The following MUC5AC variants were observed in gnomAD, a reference collection of about 807,000 sequenced individuals.
MUC5AC encodes mucin-5AC.
MUC5AC carries 158 observed loss-of-function variants against 169.7 expected under a neutral mutation model. That is an observed-to-expected ratio of 0.93 (90% CI 0.82 to 1.06). The LOEUF is 1.06. Ranked by LOEUF, MUC5AC falls within the 50% of genes least tolerant of loss-of-function variation. The probability of loss-of-function intolerance (pLI) is 0.00; values close to 1 mark genes in which losing one functional copy is unlikely to be tolerated. For missense variants in MUC5AC, 4,359 were observed against 3,089.9 expected (o/e 1.41, Z -9.74); for synonymous variants, 1,975 against 1,237.0 (o/e 1.60, Z -12.52).
chr11:1,170,442 C>T (rs1860473451), intron 15 of MUC5AC, among the ~76,000 whole-genome samples: 10 of 140,548 alleles, frequency 7.1e-5, no homozygotes, highest in South Asian at 2.4e-4. Context: ...CCCATTCACC[C>T]ACTCACTCAC....
intron 15 of MUC5AC, among the ~76,000 whole-genome samples, chr11:1,171,942 T>TTCACTCACTCACTCACTCAC (rs1161859817): frequency 2.3e-5 from 2 of 85,686 alleles, no homozygotes; most frequent in Non-Finnish European, 5.0e-5. Flanking sequence ...CATCCACTCA[T>TTCACTCACTCACTCACTCAC]TCACTCACTC....
chr11:1,200,405 C>G, intron 48 of MUC5AC, 33 bp from the exon 49 acceptor site: 1 of 652,120 alleles, frequency 1.5e-6, no homozygotes, highest in South Asian at 1.6e-5. Context: ...TGGGGTGGCG[C>G]AGCAGCTGGT....
At chr11:1,158,810 C>T (rs772058529) in intron 1 of MUC5AC, among the ~76,000 whole-genome samples, 1 of 152,214 alleles carries the variant, frequency 6.6e-6, no homozygotes, top group Non-Finnish European at 1.5e-5. Flanking sequence ...ACTGCCGAGA[C>T]CGCCACATGG....
chr11:1,195,482 G>T, intron 36 of MUC5AC, among the ~76,000 whole-genome samples: 1 of 152,008 alleles, frequency 6.6e-6, no homozygotes, highest in Admixed American at 6.5e-5. Flanking sequence ...CGGGTGCCGG[G>T]AAGGGGTGGT....
Position 1,168,512 on chromosome 11 carries a change from G to A in MUC5AC, c.1527G>A (p.Val509=), listed in dbSNP as rs1224736952. ...TGGTGATCAAGGCCAGTGGGGAAGT[G>A]TTCCTGAACCAGATCTACACCCAGC... The part of the protein sequence containing the change: ...TVVVIKASGE[V]FLNQIYTQLP... Residue 509 remains valine, a synonymous_variant, in exon 13 of 49, where the codon GTG becomes GTA. Transcript: ENST00000621226. 1 of 1,597,716 alleles carries A rather than the reference G, an allele frequency of 6.3e-7. No individual in the cohort carries two copies. Among genetic ancestry groups the A allele is most frequent in the Non-Finnish European group, 8.5e-7 (1 of 1,171,396 alleles).
chr11:1,165,822 G>T lies in MUC5AC; in HGVS notation c.1386+62G>T, dbSNP rs1044302888. The T allele has an allele frequency of 2.1e-5, 33 of 1,599,898 alleles. No individual in the cohort carries two copies. In the African/African-American group the frequency reaches 4.1e-4, roughly 20 times the overall value. ...GGGGGCCCATGGCCAGCCTCCCACA[G>T]GCTCCCCCAGCTTGGCTGCATGTCA... On this transcript the variant is annotated intron_variant, in intron 11 of 48. Coordinates refer to ENST00000621226, the MANE Select transcript of MUC5AC (RefSeq NM_001304359.2).
rs1298604003 is a variant in MUC5AC at position 1,189,521 on chromosome 11, C to G, written c.11376C>G (p.Ile3792Met). Residue 3792 changes from isoleucine (I) to methionine (M), a missense_variant, in exon 31 of 49, where the codon ATC (isoleucine) becomes ATG (methionine). Physicochemically the swap from Ile to Met is conservative, Grantham distance 10 (BLOSUM62 1). Transcript: ENST00000621226. ...STTSAPITSTISAPTTSTTST... is the reference protein window; with the variant it reads ...STTSAPITSTMSAPTTSTTST... ...CCTCTGCTCCCATAACCAGCACAAT[C>G]TCTGCCCCTACAACCAGCACAACCT... is the stretch of plus-strand genomic sequence containing the variant. 1.7e-6 allele frequency: 1 copy of G among 598,694 alleles called. No homozygotes were observed. The highest frequency in any genetic ancestry group is 1.9e-5 in the African/African-American group (1 of 53,770). 37.1% of individuals were successfully genotyped at this position (598,694 alleles called of 1,614,324 possible).
chr11:1,162,397 G>C, intron 4 of MUC5AC, 135 bp from the exon 5 acceptor site: 1 of 1,036,876 alleles, frequency 9.6e-7, no homozygotes, highest in South Asian at 1.6e-5. Flanking sequence ...CCGAGCTCCA[G>C]AGGTCAATGT....
At chr11:1,173,248 A>G (rs1168605679) in intron 16 of MUC5AC, among the ~76,000 whole-genome samples, 4 of 144,182 alleles carry the variant, frequency 2.8e-5, no homozygotes, top group African/African-American at 5.2e-5. Context: ...TTACTCATTT[A>G]CTCACTCACT....
chr11:1,168,995 C>G lies in MUC5AC; in HGVS notation c.1839C>G (p.Phe613Leu). 4 of 1,606,648 alleles carry G rather than the reference C, an allele frequency of 2.5e-6. No individual in the cohort carries two copies. In the South Asian group the frequency reaches 4.4e-5, roughly 18 times the overall value. The change falls in exon 15 of 49, where the codon TTC becomes TTG. Residue 613 changes from phenylalanine to leucine, a missense_variant. By Grantham distance (22) the Phe-to-Leu change is conservative. Transcript: ENST00000621226. ...CCTGCCCCAACATCAGGAACAGCTT[C>G]GAGGACCCCTGCTCTCTGAGCGTGG... ...QAACPNIRNS[F>L]EDPCSLSVEN...
In MUC5AC at chr11:1,190,245, C is replaced by G; in HGVS notation, c.12100C>G (p.Gln4034Glu). ...EEGLVCRNQD[Q>E]QGPFKMCLNY... is the part of the protein sequence containing the mutation. ...GGGCCTGGTGTGCCGGAACCAGGAC[C>G]AGCAGGGACCCTTCAAGATGTGCCT... is the stretch of plus-strand genomic sequence containing the variant. The change falls in exon 31 of 49, where the codon CAG (glutamine) becomes GAG (glutamate). Residue 4034 changes from glutamine (Q) to glutamate (E), a missense_variant. Gln to Glu is a conservative substitution (Grantham distance 29). Coordinates refer to ENST00000621226, the MANE Select transcript of MUC5AC (RefSeq NM_001304359.2). 2.7e-6 allele frequency: 2 copies of G among 734,232 alleles called. No homozygotes were observed. Among genetic ancestry groups the G allele is most frequent in the East Asian group, 4.9e-5 (2 of 40,910 alleles). 45.5% of individuals were successfully genotyped at this position (734,232 alleles called of 1,614,324 possible).
intron 11 of MUC5AC, among the ~76,000 whole-genome samples, chr11:1,166,469 A>G (rs28587571): frequency 0.074 from 5,469 of 73,606 alleles, 421 homozygotes; most frequent in African/African-American, 0.083. Flanking sequence ...ATGAGACCCT[A>G]CACCCAACAC....
chr11:1,182,039 G>A, intron 30 of MUC5AC, 116 bp from the exon 31 acceptor site: 1 of 398,298 alleles, frequency 2.5e-6, no homozygotes, highest in Non-Finnish European at 4.4e-6. Context: ...CGCGGGTGGG[G>A]ACAGGAAGAC....
intron 25 of MUC5AC, 84 bp downstream of exon 25, chr11:1,178,767 T>C: frequency 1.4e-6 from 1 of 714,868 alleles, no homozygotes; most frequent in Non-Finnish European, 2.0e-6. Context: ...GGGAATGGGG[T>C]CTGGGAGACA....
At position 1,175,455 on chromosome 11, in the gene MUC5AC, C is replaced by A. The variant is rs1001402450; in HGVS notation, c.2401+185C>A. On this transcript the variant is annotated intron_variant, in intron 19 of 48. Coordinates refer to ENST00000621226, the MANE Select transcript of MUC5AC (RefSeq NM_001304359.2). ...AGGGGGAAGAAGGGAGGGTGTGGGG[C>A]GCACATATGACACTCACACCCACTC... 2.4e-3 allele frequency among the ~76,000 whole-genome samples: 358 copies of A among 149,480 alleles called. 3 individuals are homozygous for A. The highest frequency in any genetic ancestry group is 8.7e-3 in the African/African-American group (351 of 40,542).
Position 1,183,234 on chromosome 11 carries a change from A to G in MUC5AC, c.5089A>G (p.Thr1697Ala). ...VATTRPTPHP[T>A]GAQTQTTFTT... ...AACGACACGGCCGACTCCACATCCA[A>G]CCGGAGCTCAGACCCAGACCACCTT... Residue 1697 changes from threonine (T) to alanine (A), a missense_variant, in exon 31 of 49, where the codon ACC (threonine) becomes GCC (alanine). Thr to Ala is a moderately conservative substitution (Grantham distance 58). Transcript: ENST00000621226. 2 of 383,244 alleles carry G rather than the reference A, an allele frequency of 5.2e-6. No individual in the cohort carries two copies. Among genetic ancestry groups the G allele is most frequent in the African/African-American group, 3.4e-5 (1 of 29,114 alleles). 23.7% of individuals were successfully genotyped at this position (383,244 alleles called of 1,614,324 possible). A position where few individuals can be genotyped will look rare whatever the true frequency, so the allele number is the denominator to read the frequency against.
chr11:1,170,472 TTCACCCAC>T (rs1860475557), intron 15 of MUC5AC, among the ~76,000 whole-genome samples: 1 of 51,458 alleles, frequency 1.9e-5, no homozygotes, highest in African/African-American at 8.2e-5. Context: ...GACTCACCCA[TTCACCCAC>T]TCACCCACTC....
rs537243132 is a variant in MUC5AC, at chr11:1,160,781, G to A, written c.151+92G>A. 132 of 1,323,492 alleles carry A rather than the reference G, an allele frequency of 1.0e-4. 2 individuals are homozygous for A. In the South Asian group the frequency reaches 1.6e-3, roughly 16 times the overall value. The allele number at this position is 1,323,492 out of a possible 1,614,324, so 82.0% of individuals were successfully genotyped here. A position where few individuals can be genotyped will look rare whatever the true frequency, so the allele number is the denominator to read the frequency against. On this transcript the variant is annotated intron_variant, in intron 2 of 48. Transcript: ENST00000621226. ...CCCTAGGGCCACTGGTCTTAGGGTGGCTCCCCAGCTGGCCACTGCTGAGGA... is the reference window on the plus strand; with the variant it reads ...CCCTAGGGCCACTGGTCTTAGGGTGACTCCCCAGCTGGCCACTGCTGAGGA...
Position 1,194,346 on chromosome 11 carries a change from GTGA to G in MUC5AC, c.14996_14998del (p.Met4999del), listed in dbSNP as rs775185908. ...GCTGACCCGCAAGCCAGTCCACGGG[GTGA>G]TGACAAACGAGGTGGGGGCGCGCCC... On this transcript the variant is annotated inframe_deletion, in exon 34 of 49. Transcript: ENST00000621226. The G allele has an allele frequency of 6.8e-6, 5 of 734,360 alleles. No homozygotes were observed. The South Asian group carries it at 7.1e-5, about 10-fold the overall frequency. The allele number at this position is 734,360 out of a possible 1,614,324, so 45.5% of individuals were successfully genotyped here.
Sources: allele counts gnomAD v4.1 joint callset (sites outside exome capture counted in the v4.1 genomes callset), GRCh38; gene constraint gnomAD v4.1.1; transcripts MANE v1.5; gene names NCBI Gene and HGNC (gene_info 2026-07-23, HGNC 2026-07-21).